Variants in DLG2 observed in about 807,000 individuals in gnomAD.
DLG2 encodes disks large homolog 2.
In DLG2, 45 loss-of-function variants were observed where a neutral mutation model predicts 132.5. The ratio of observed to expected loss-of-function variants is 0.34; its 90% CI spans 0.27 to 0.44. The LOEUF (loss-of-function observed/expected upper bound fraction) is 0.44. DLG2 is among the 20% of genes least tolerant of loss of function. The probability of loss-of-function intolerance (pLI) is 1.00; values close to 1 mark genes in which losing one functional copy is unlikely to be tolerated. For missense variants in DLG2, 1,045 were observed against 1,196.9 expected, an observed-to-expected ratio of 0.87 and a Z score of 1.87; for synonymous variants, 424 against 419.6, an observed-to-expected ratio of 1.01 and a Z score of -0.13.
At chr11:84,318,926 G>A (rs1373016811) in intron 7 of DLG2, among the ~76,000 whole-genome samples, 1 of 151,960 alleles carries the variant, frequency 6.6e-6, no homozygotes, top group East Asian at 1.9e-4. Context: ...TAAATGGAAG[G>A]AAAAAATAGA....
At chr11:84,155,825 A>C (rs2095417107) in intron 9 of DLG2, among the ~76,000 whole-genome samples, 1 of 152,182 alleles carries the variant, frequency 6.6e-6, no homozygotes, top group Non-Finnish European at 1.5e-5. Context: ...GATGAAGAGG[A>C]CATCCATGGA....
At chr11:85,480,580 G>T (rs1212985474) in intron 3 of DLG2, among the ~76,000 whole-genome samples, 58 of 152,144 alleles carry the variant, frequency 3.8e-4, no homozygotes, top group Admixed American at 3.7e-3. Flanking sequence ...CATGTGTAAT[G>T]AGAGCATATG....
At chr11:85,306,224 C>A (rs1171647810) in intron 3 of DLG2, among the ~76,000 whole-genome samples, 1 of 152,188 alleles carries the variant, frequency 6.6e-6, no homozygotes, top group East Asian at 1.9e-4. Context: ...CAAGTCTCTT[C>A]TATGCCACCA....
At chr11:84,329,539 T>C (rs2098449094) in intron 7 of DLG2, among the ~76,000 whole-genome samples, 1 of 152,198 alleles carries the variant, frequency 6.6e-6, no homozygotes, top group African/African-American at 2.4e-5. Context: ...CTTCCTCTTC[T>C]GCCATGATTA....
intron 6 of DLG2, among the ~76,000 whole-genome samples, chr11:84,905,877 T>C (rs996491143): frequency 7.2e-5 from 11 of 152,224 alleles, no homozygotes; most frequent in African/African-American, 1.9e-4. Context: ...ATTTTGTTGA[T>C]TGCATACACA....
chr11:84,113,037 T>C (rs1307872115), intron 9 of DLG2, among the ~76,000 whole-genome samples: 1 of 152,236 alleles, frequency 6.6e-6, no homozygotes, highest in African/African-American at 2.4e-5. Flanking sequence ...TGTTCACCTG[T>C]GTGCTGATGG....
At chr11:85,273,316 C>A (rs1313316567) in intron 4 of DLG2, among the ~76,000 whole-genome samples, 2 of 152,076 alleles carry the variant, frequency 1.3e-5, no homozygotes, top group Admixed American at 1.3e-4. Flanking sequence ...AGTGAACAGG[C>A]AACCTACAGA....
chr11:85,023,651 T>C (rs539583728), intron 6 of DLG2, among the ~76,000 whole-genome samples: 1 of 152,108 alleles, frequency 6.6e-6, no homozygotes, highest in East Asian at 1.9e-4. Context: ...ATTATAAAAC[T>C]GTGTAATAGA....
intron 7 of DLG2, among the ~76,000 whole-genome samples, chr11:84,292,130 C>G (rs1247152868): frequency 6.6e-6 from 1 of 152,038 alleles, no homozygotes; most frequent in Non-Finnish European, 1.5e-5. Context: ...AAAAAGTAGA[C>G]CAAGGAAAGC....
Position 83,806,385 on chromosome 11 carries a change from A to G in DLG2, c.1723-19593T>C, listed in dbSNP as rs114867965. On this transcript the variant is annotated intron_variant, in intron 17 of 27. Coordinates refer to ENST00000376104, the MANE Select transcript of DLG2 (RefSeq NM_001142699.3). ...TAAACTAGACAAATTAACTCTATACACTTTCTCTACACATATTTACATATC... is the reference window on the plus strand; with the variant it reads ...TAAACTAGACAAATTAACTCTATACGCTTTCTCTACACATATTTACATATC... Among the ~76,000 whole-genome samples, 651 of 152,140 alleles carry G rather than the reference A, an allele frequency of 4.3e-3. 8 individuals are homozygous for G. The highest frequency in any genetic ancestry group is 0.015 in the African/African-American group (630 of 41,510).
intron 18 of DLG2, among the ~76,000 whole-genome samples, chr11:83,639,762 A>T (rs1025605092): frequency 2.1e-5 from 3 of 140,852 alleles, no homozygotes; most frequent in African/African-American, 5.9e-5. Flanking sequence ...TATAATAATT[A>T]AAAAAAAAAG....
rs757257978 is a variant in DLG2, at chr11:83,633,181, G to A, written c.1940+30C>T. ...TTTCTCAAGTTGAATTGCTCACAAAGTGCAGATAGAGAAATACTCCTTTGC... is the reference window on the plus strand; with the variant it reads ...TTTCTCAAGTTGAATTGCTCACAAAATGCAGATAGAGAAATACTCCTTTGC... On this transcript the variant is annotated intron_variant, in intron 19 of 27. Transcript: ENST00000376104. 4.9e-5 allele frequency: 78 copies of A among 1,594,802 alleles called. 1 individual carries two copies. The South Asian group carries it at 7.9e-4, about 16-fold the overall frequency.
intron 3 of DLG2, among the ~76,000 whole-genome samples, chr11:85,450,164 A>C (rs965221233): frequency 2.0e-5 from 3 of 152,182 alleles, no homozygotes; most frequent in African/African-American, 7.2e-5. Flanking sequence ...CTTGAAAGCG[A>C]TATCAGGGCA....
chr11:84,729,021 T>G (rs571110415), intron 6 of DLG2, among the ~76,000 whole-genome samples: 2 of 152,256 alleles, frequency 1.3e-5, no homozygotes, highest in East Asian at 3.9e-4. Flanking sequence ...ATTTTGTTGA[T>G]CTTTTCAAAA....
At chr11:84,644,541 C>T in intron 6 of DLG2, among the ~76,000 whole-genome samples, 1 of 151,632 alleles carries the variant, frequency 6.6e-6, no homozygotes. Flanking sequence ...CCCGTCTCTA[C>T]TAAAAATACA....
At chr11:85,056,035 T>A (rs1008484901) in intron 6 of DLG2, among the ~76,000 whole-genome samples, 1 of 152,130 alleles carries the variant, frequency 6.6e-6, no homozygotes, top group African/African-American at 2.4e-5. Context: ...CAAAGAGAGA[T>A]AACATTCAGA....
chr11:83,910,160 C>T (rs187863575), intron 15 of DLG2, among the ~76,000 whole-genome samples: 24 of 152,182 alleles, frequency 1.6e-4, no homozygotes, highest in African/African-American at 5.8e-4. Context: ...GAAAAGGTGT[C>T]AAACCTGTAG....
chr11:83,990,906 C>T (rs34211389), intron 11 of DLG2, among the ~76,000 whole-genome samples: 3,364 of 152,138 alleles, frequency 0.022, 68 homozygotes, highest in Middle Eastern at 0.034. Flanking sequence ...CTATCTTGAA[C>T]CCTGGCTGGC....
chr11:84,945,096 G>A (rs1033196462), intron 6 of DLG2, among the ~76,000 whole-genome samples: 1 of 152,180 alleles, frequency 6.6e-6, no homozygotes, highest in Non-Finnish European at 1.5e-5. Flanking sequence ...AATGCTAGTG[G>A]ATGTTGGTCA....
Sources: allele counts gnomAD v4.1 joint callset (sites outside exome capture counted in the v4.1 genomes callset), GRCh38; gene constraint gnomAD v4.1.1; transcripts MANE v1.5; gene names NCBI Gene and HGNC (gene_info 2026-07-23, HGNC 2026-07-21).